KHDRBS2: variants seen among roughly 807,000 people sequenced by gnomAD.
The protein encoded by KHDRBS2 is KH domain-containing, RNA-binding, signal transduction-associated protein 2.
In KHDRBS2, 26 loss-of-function variants were observed where a neutral mutation model predicts 44.3. That is an observed-to-expected ratio of 0.59 (90% CI 0.43 to 0.81). KHDRBS2 has a LOEUF of 0.81. Among genes scored for constraint, KHDRBS2 ranks in the 40% least tolerant of loss-of-function variants. The pLI is 0.00. For synonymous variants in KHDRBS2, 194 were observed against 151.1 expected (o/e 1.28, Z -2.08); for missense variants, 476 against 433.1 (o/e 1.10, Z -0.88).
chr6:62,019,773 G>A (rs1356891713), intron 3 of KHDRBS2, among the ~76,000 whole-genome samples: 1 of 151,630 alleles, frequency 6.6e-6, no homozygotes, highest in East Asian at 1.9e-4. Context: ...CTAAATCCAT[G>A]GTAATGTCAT....
intron 8 of KHDRBS2, among the ~76,000 whole-genome samples, chr6:61,696,237 TTTTATTTA>T (rs10527202): frequency 8.8e-4 from 129 of 146,122 alleles, no homozygotes; most frequent in African/African-American, 2.8e-3. Flanking sequence ...CATATATGTA[TTTTATTTA>T]TTTATTTATT....
chr6:61,844,541 T>C (rs1242279793), intron 6 of KHDRBS2, among the ~76,000 whole-genome samples: 2 of 152,288 alleles, frequency 1.3e-5, no homozygotes, highest in African/African-American at 2.4e-5. Context: ...AGTACCTTTG[T>C]TGATATTTTA....
At chr6:62,027,755 C>A (rs974763841) in intron 3 of KHDRBS2, among the ~76,000 whole-genome samples, 4 of 152,076 alleles carry the variant, frequency 2.6e-5, no homozygotes, top group Admixed American at 1.3e-4. Context: ...TTGTTGAACA[C>A]ATAGAGGTGG....
At chr6:61,677,063 C>A (rs1413589598), downstream of KHDRBS2, among the ~76,000 whole-genome samples, 3 of 151,840 alleles carry the variant, frequency 2.0e-5, no homozygotes, top group Admixed American at 6.6e-5. Context: ...GTTCTCTTTT[C>A]TTGTTCAACA....
the KHDRBS2 span, among the ~76,000 whole-genome samples, chr6:61,606,816 C>CA: frequency 6.6e-6 from 1 of 152,134 alleles, no homozygotes; most frequent in African/African-American, 2.4e-5. Context: ...ATATCTTCCA[C>CA]AAAAAGCAGC....
intron 6 of KHDRBS2, among the ~76,000 whole-genome samples, chr6:61,774,924 A>G (rs773988225): frequency 6.6e-6 from 1 of 152,182 alleles, no homozygotes; most frequent in Non-Finnish European, 1.5e-5. Context: ...CCAGCAGCAC[A>G]TCAAAAGGCT....
At chr6:62,101,054 C>T (rs955795570) in intron 2 of KHDRBS2, among the ~76,000 whole-genome samples, 1 of 152,132 alleles carries the variant, frequency 6.6e-6, no homozygotes, top group Non-Finnish European at 1.5e-5. Flanking sequence ...CTCTTTTTTA[C>T]AGCAAGACAA....
At chr6:61,699,953 A>G (rs1582233120) in intron 7 of KHDRBS2, among the ~76,000 whole-genome samples, 1 of 151,970 alleles carries the variant, frequency 6.6e-6, no homozygotes, top group Non-Finnish European at 1.5e-5. Flanking sequence ...TGGAATCTGG[A>G]TGTGTATCTC....
chr6:62,083,689 G>A (rs1284186701), intron 2 of KHDRBS2, among the ~76,000 whole-genome samples: 2 of 152,142 alleles, frequency 1.3e-5, no homozygotes, highest in Non-Finnish European at 2.9e-5. Context: ...CCTGTGAGGG[G>A]TTGAGAGCTG....
the KHDRBS2 span, among the ~76,000 whole-genome samples, chr6:61,619,122 A>T: frequency 1.5e-4 from 23 of 152,126 alleles, no homozygotes; most frequent in South Asian, 4.2e-4. Flanking sequence ...TTAATTAAAA[A>T]TTTTTTTTCA....
chr6:62,106,640 G>A (rs1312406460), intron 2 of KHDRBS2, among the ~76,000 whole-genome samples: 1 of 151,758 alleles, frequency 6.6e-6, no homozygotes, highest in Admixed American at 6.6e-5. Context: ...CCAAAGCCGG[G>A]CAGAGACATT....
At chr6:61,673,433 G>T in the KHDRBS2 span, among the ~76,000 whole-genome samples, 2 of 151,440 alleles carry the variant, frequency 1.3e-5, no homozygotes, top group Non-Finnish European at 3.0e-5. Context: ...GGGCAATTAG[G>T]CAGGAGAAGG....
chr6:62,006,194 A>T (rs1779176907), intron 3 of KHDRBS2, among the ~76,000 whole-genome samples: 1 of 152,000 alleles, frequency 6.6e-6, no homozygotes, highest in Non-Finnish European at 1.5e-5. Context: ...AACCTCTAAA[A>T]AGGATGGACT....
rs557722469 is a variant in KHDRBS2 at position 61,816,816 on chromosome 6, T to C, written c.810+77819A>G. On this transcript the variant is annotated intron_variant, in intron 6 of 8. Transcript: ENST00000281156. ...TTAGAACTCTCCCACATACATTTTA[T>C]ATTAATATTTTAGTGTGAAAAATAT... The C allele has an allele frequency of 6.5e-4, 249 of 382,374 alleles. 1 individual carries two copies. Among genetic ancestry groups the C allele is most frequent in the African/African-American group, 5.0e-3 (238 of 47,630 alleles). The allele number at this position is 382,374 out of a possible 1,614,324, so 23.7% of individuals were successfully genotyped here.
intron 1 of KHDRBS2, among the ~76,000 whole-genome samples, chr6:62,195,226 T>G (rs1376442756): frequency 6.6e-6 from 1 of 152,204 alleles, no homozygotes; most frequent in African/African-American, 2.4e-5. Flanking sequence ...TCAAACCCTT[T>G]TGTTGATGTA....
At chr6:61,957,628 G>C (rs1160707085) in intron 4 of KHDRBS2, among the ~76,000 whole-genome samples, 1 of 152,130 alleles carries the variant, frequency 6.6e-6, no homozygotes, top group Non-Finnish European at 1.5e-5. Context: ...CAGACTGGTT[G>C]TCTGCTCTCA....
chr6:62,215,654 T>A (rs1829859206), intron 1 of KHDRBS2, among the ~76,000 whole-genome samples: 1 of 151,880 alleles, frequency 6.6e-6, no homozygotes, highest in East Asian at 1.9e-4. Flanking sequence ...TTATGTATCT[T>A]CCCATAATCT....
intron 4 of KHDRBS2, among the ~76,000 whole-genome samples, chr6:61,976,695 A>G (rs1247687558): frequency 6.6e-6 from 1 of 152,138 alleles, no homozygotes; most frequent in Admixed American, 6.6e-5. Context: ...AATAAACTGA[A>G]GCTTTGAGAA....
At chr6:61,986,136 C>A (rs1310476632) in intron 3 of KHDRBS2, among the ~76,000 whole-genome samples, 3 of 152,100 alleles carry the variant, frequency 2.0e-5, no homozygotes, top group Non-Finnish European at 1.5e-5. Flanking sequence ...GCTTCTTAAT[C>A]TGTAAAACAG....
Sources: allele counts gnomAD v4.1 joint callset (sites outside exome capture counted in the v4.1 genomes callset), GRCh38; gene constraint gnomAD v4.1.1; transcripts MANE v1.5; gene names NCBI Gene and HGNC (gene_info 2026-07-23, HGNC 2026-07-21).